The following LARP4 variants were observed in gnomAD, a reference collection of about 807,000 sequenced individuals.
The protein encoded by LARP4 is la-related protein 4.
LARP4 carries 29 observed loss-of-function variants against 92.9 expected under a neutral mutation model. The observed-to-expected ratio is 0.31, with a 90% CI of 0.23 to 0.43. The LOEUF (loss-of-function observed/expected upper bound fraction) is 0.43. LARP4 is among the 20% of genes least tolerant of loss of function. The pLI is 1.00. For synonymous variants in LARP4, 279 were observed against 284.1 expected, an observed-to-expected ratio of 0.98 and a Z score of 0.18; for missense variants, 732 against 860.0, an observed-to-expected ratio of 0.85 and a Z score of 1.86.
chr12:50,471,530 C>T (rs997865585), intron 13 of LARP4, among the ~76,000 whole-genome samples: 2 of 152,050 alleles, frequency 1.3e-5, no homozygotes, highest in Admixed American at 6.6e-5. Context: ...TAAAGTCTTT[C>T]GAGTGTTTTT....
In LARP4 at chr12:50,435,565, A is replaced by G. The variant is rs2137374122; in HGVS notation, c.476A>G (p.Asn159Ser). Residue 159 changes from asparagine (N) to serine (S), a missense_variant, in exon 5 of 16, where the codon AAC becomes AGC. Transcript: ENST00000398473. ...TTCATCCCAATTTGGACAGTTGCCA[A>G]CATGGAAGAAATAAAAAAGTTGACT... ...DQFIPIWTVA[N>S]MEEIKKLTTD... 1 of 1,606,978 alleles carries G rather than the reference A, an allele frequency of 6.2e-7. No individual in the cohort carries two copies. Among genetic ancestry groups the G allele is most frequent in the East Asian group, 2.2e-5 (1 of 44,802 alleles).
In LARP4 at chr12:50,475,503, T is replaced by G. The variant is rs767321141; in HGVS notation, c.1837-23T>G. 9 of 1,544,616 alleles carry G rather than the reference T, an allele frequency of 5.8e-6. No individual in the cohort carries two copies. In the East Asian group the frequency reaches 9.0e-5, roughly 15 times the overall value. ...TTTAAAGAATGTGTACCATAAATGT[T>G]TTTTTTTATCATCACTTCAAAGGAA... On this transcript the variant is annotated intron_variant, in intron 15 of 15. Transcript: ENST00000398473.
intron 8 of LARP4, among the ~76,000 whole-genome samples, chr12:50,442,793 C>G (rs1318657367): frequency 6.6e-6 from 1 of 152,190 alleles, no homozygotes; most frequent in East Asian, 1.9e-4. Flanking sequence ...TTTCACATAA[C>G]TAGTAAGTGG....
Position 50,427,858 on chromosome 12 carries a change from A to C in LARP4, c.115A>C (p.Thr39Pro). 6.2e-7 allele frequency: 1 copy of C among 1,603,092 alleles called. No individual in the cohort carries two copies. ...TGATGCCACCCCAGTAACTCATGGA[A>C]CTGAAAGCTCTTGGCATGAAATAGC... ...NTDATPVTHG[T>P]ESSWHEIAAT... The change falls in exon 2 of 16, where the codon ACT becomes CCT. Residue 39 changes from threonine (T) to proline (P), a missense_variant. Transcript: ENST00000398473.
At chr12:50,410,661 C>T (rs1187352091) in intron 1 of LARP4, among the ~76,000 whole-genome samples, 1 of 152,136 alleles carries the variant, frequency 6.6e-6, no homozygotes, top group Non-Finnish European at 1.5e-5. Context: ...TCCTCAGCCT[C>T]CCAAAGTGCT....
intron 14 of LARP4, 78 bp downstream of exon 14, chr12:50,473,614 C>T: frequency 2.0e-6 from 3 of 1,494,498 alleles, no homozygotes; most frequent in Admixed American, 1.9e-5. Context: ...ACCTGTAATC[C>T]CAGCACTTTG....
Position 50,453,799 on chromosome 12 carries a change from T to G in LARP4, c.1017+127T>G, listed in dbSNP as rs1302204290. ...ACTTTTTGGCCTTTATTTTATTTTA[T>G]TTTTTGTATTTTTCGTAGAGATGGA... On this transcript the variant is annotated intron_variant, in intron 9 of 15. Transcript: ENST00000398473. 6.6e-6 allele frequency: 4 copies of G among 605,658 alleles called. No individual in the cohort carries two copies. In the African/African-American group the frequency reaches 7.5e-5, roughly 11 times the overall value. The allele number at this position is 605,658 out of a possible 1,614,324, so 37.5% of individuals were successfully genotyped here. A position where few individuals can be genotyped will look rare whatever the true frequency, so the allele number is the denominator to read the frequency against.
intron 15 of LARP4, among the ~76,000 whole-genome samples, chr12:50,474,864 T>C (rs749593839): frequency 2.6e-4 from 39 of 152,204 alleles, no homozygotes; most frequent in Non-Finnish European, 5.0e-4. Flanking sequence ...TTTATAGTTA[T>C]ATAATTGGGA....
intron 4 of LARP4, among the ~76,000 whole-genome samples, chr12:50,430,954 A>C (rs1298447513): frequency 6.6e-6 from 1 of 152,102 alleles, no homozygotes; most frequent in African/African-American, 2.4e-5. Flanking sequence ...ATGGCACCAC[A>C]CTCGGCCCCT....
chr12:50,446,482 C>T (rs1308988362), intron 8 of LARP4, among the ~76,000 whole-genome samples: 1 of 134,140 alleles, frequency 7.5e-6, no homozygotes, highest in Non-Finnish European at 1.6e-5. Context: ...GGCTGGAGTG[C>T]AGTGGCATGA....
At chr12:50,473,634 G>A (rs1456382299) in intron 14 of LARP4, 98 bp downstream of exon 14, 1 of 1,296,746 alleles carries the variant, frequency 7.7e-7, no homozygotes. Context: ...GGGAGGCCGA[G>A]GCAGGTGAAT....
intron 1 of LARP4, chr12:50,401,312 A>T (rs943106345): frequency 1.0e-4 from 48 of 476,418 alleles, no homozygotes; most frequent in African/African-American, 9.1e-4. Context: ...AAAGTGTCCC[A>T]TATGGACCTC....
intron 3 of LARP4, among the ~76,000 whole-genome samples, chr12:50,429,341 G>T (rs1949288974): frequency 1.3e-5 from 2 of 152,152 alleles, no homozygotes; most frequent in Admixed American, 1.3e-4. Flanking sequence ...AAGGCGGGGT[G>T]GCTCATGCCT....
chr12:50,474,281 GCTGA>G (rs961958160), intron 15 of LARP4, 114 bp downstream of exon 15: 24 of 758,956 alleles, frequency 3.2e-5, no homozygotes, highest in African/African-American at 1.4e-4. Flanking sequence ...CCAAGTTGGG[GCTGA>G]CTATCAGAAA....
intron 6 of LARP4, 39 bp downstream of exon 6, chr12:50,437,877 TTTAAA>T (rs2137499491): frequency 1.5e-6 from 2 of 1,318,774 alleles, no homozygotes; most frequent in African/African-American, 2.9e-5. Context: ...ATGTTCTCTG[TTTAAA>T]TTAAAAGAGG....
At chr12:50,445,999 T>C (rs1951955683) in intron 8 of LARP4, among the ~76,000 whole-genome samples, 3 of 147,446 alleles carry the variant, frequency 2.0e-5, no homozygotes, top group Admixed American at 1.3e-4. Flanking sequence ...TTTTTTTCTT[T>C]TTTCTTTTTT....
chr12:50,437,861 C>T (rs769983312), intron 6 of LARP4, 23 bp downstream of exon 6: 18 of 1,372,562 alleles, frequency 1.3e-5, no homozygotes, highest in Non-Finnish European at 1.8e-5. Context: ...TAATTGTTAA[C>T]ACTAAATGTT....
chr12:50,456,034 G>A lies in LARP4; in HGVS notation c.1121+1617G>A, dbSNP rs548280786. Among the ~76,000 whole-genome samples the A allele has an allele frequency of 3.9e-5, 6 of 152,012 alleles. No individual in the cohort carries two copies. In the South Asian group the frequency reaches 6.2e-4, roughly 16 times the overall value. ...ACCACTGCACTCCAGCCTGGGTGAC[G>A]GTGAGACTCTGTTATTCCCTGCAGC... On this transcript the variant is annotated intron_variant, in intron 10 of 15. Coordinates refer to ENST00000398473, the MANE Select transcript of LARP4 (RefSeq NM_052879.5).
intron 1 of LARP4, among the ~76,000 whole-genome samples, chr12:50,426,227 G>T (rs1948686023): frequency 1.3e-5 from 2 of 152,188 alleles, no homozygotes; most frequent in Admixed American, 1.3e-4. Context: ...GCACACTAGG[G>T]TGGGCTTGCT....
Sources: allele counts gnomAD v4.1 joint callset (sites outside exome capture counted in the v4.1 genomes callset), GRCh38; gene constraint gnomAD v4.1.1; transcripts MANE v1.5; gene names NCBI Gene and HGNC (gene_info 2026-07-23, HGNC 2026-07-21).